Variants in ROBO2 observed in about 807,000 individuals in gnomAD.
ROBO2 encodes the protein roundabout guidance receptor 2, also known as roundabout homolog 2.
ROBO2 carries 53 observed loss-of-function variants against 160.8 expected under a neutral mutation model. The observed-to-expected ratio is 0.33, with a 90% CI of 0.26 to 0.41. The LOEUF (loss-of-function observed/expected upper bound fraction) is 0.41. Among genes scored for constraint, ROBO2 ranks in the 10% least tolerant of loss-of-function variants. ROBO2 has a pLI of 1.00. For synonymous variants in ROBO2, 664 were observed against 611.7 expected, an observed-to-expected ratio of 1.09 and a Z score of -1.26; for missense variants, 1,577 against 1,722.4, an observed-to-expected ratio of 0.92 and a Z score of 1.49.
chr3:77,196,966 C>T (rs1225108762), intron 2 of ROBO2, among the ~76,000 whole-genome samples: 1 of 148,946 alleles, frequency 6.7e-6, no homozygotes, highest in Admixed American at 6.8e-5. Flanking sequence ...AATGAAATTG[C>T]TTTTGATAAA....
intron 2 of ROBO2, among the ~76,000 whole-genome samples, chr3:76,197,808 A>G (rs1399548956): frequency 6.6e-6 from 1 of 152,180 alleles, no homozygotes; most frequent in Admixed American, 6.6e-5. Context: ...TAGAGCCAGG[A>G]TGTTTTGAAA....
intron 2 of ROBO2, among the ~76,000 whole-genome samples, chr3:76,909,003 G>A (rs930580256): frequency 6.6e-6 from 1 of 152,160 alleles, no homozygotes; most frequent in African/African-American, 2.4e-5. Context: ...TGAGCAGGGA[G>A]AATTGCTTAA....
At chr3:76,072,301 A>G (rs1390072121) in intron 2 of ROBO2, among the ~76,000 whole-genome samples, 1 of 151,810 alleles carries the variant, frequency 6.6e-6, no homozygotes, top group Non-Finnish European at 1.5e-5. Context: ...TTCCTTTAGG[A>G]TATAAAGAAA....
intron 2 of ROBO2, among the ~76,000 whole-genome samples, chr3:76,562,544 G>A (rs1024765268): frequency 4.0e-5 from 6 of 151,378 alleles, no homozygotes; most frequent in East Asian, 3.9e-4. Context: ...GCCCTTCTTC[G>A]TTTCCAGCTC....
At chr3:76,731,936 A>T (rs1030834303) in intron 2 of ROBO2, among the ~76,000 whole-genome samples, 3 of 152,190 alleles carry the variant, frequency 2.0e-5, no homozygotes, top group African/African-American at 7.2e-5. Context: ...TTGATTATCT[A>T]CTATGAGCCA....
chr3:75,970,417 T>C (rs1230998517), intron 2 of ROBO2, among the ~76,000 whole-genome samples: 1 of 151,516 alleles, frequency 6.6e-6, no homozygotes. Context: ...ATACCCAGCA[T>C]TTTCATGATG....
intron 2 of ROBO2, among the ~76,000 whole-genome samples, chr3:77,261,227 C>T (rs188887016): frequency 1.3e-5 from 2 of 152,064 alleles, no homozygotes; most frequent in Non-Finnish European, 2.9e-5. Flanking sequence ...CTTATGCATG[C>T]CTGGACCAAA....
At chr3:77,322,844 T>C (rs1161511685) in intron 2 of ROBO2, among the ~76,000 whole-genome samples, 1 of 80,732 alleles carries the variant, frequency 1.2e-5, no homozygotes, top group Admixed American at 1.5e-4. Flanking sequence ...TGTAATATAT[T>C]ATATTATACA....
intron 2 of ROBO2, among the ~76,000 whole-genome samples, chr3:77,404,341 T>A (rs2076085103): frequency 6.6e-6 from 1 of 152,184 alleles, no homozygotes; most frequent in Non-Finnish European, 1.5e-5. Flanking sequence ...ATTACATTTT[T>A]TCTTCTGTGT....
intron 2 of ROBO2, among the ~76,000 whole-genome samples, chr3:76,997,380 G>C (rs1396758392): frequency 6.6e-6 from 1 of 152,058 alleles, no homozygotes; most frequent in Non-Finnish European, 1.5e-5. Flanking sequence ...GAGTGATAGT[G>C]CTTATTGAAC....
chr3:76,825,129 C>G (rs2066451158), intron 2 of ROBO2, among the ~76,000 whole-genome samples: 1 of 152,098 alleles, frequency 6.6e-6, no homozygotes, highest in African/African-American at 2.4e-5. Flanking sequence ...TAAAAGAATA[C>G]CTTCCTCTTA....
At chr3:76,617,655 C>T (rs2088700671) in intron 2 of ROBO2, among the ~76,000 whole-genome samples, 1 of 152,020 alleles carries the variant, frequency 6.6e-6, no homozygotes, top group Admixed American at 6.6e-5. Flanking sequence ...TGTGTTCAGC[C>T]CTTCTTCTAT....
chr3:76,656,216 G>A (rs1426250463), intron 2 of ROBO2, among the ~76,000 whole-genome samples: 1 of 152,102 alleles, frequency 6.6e-6, no homozygotes, highest in Non-Finnish European at 1.5e-5. Context: ...ACTGATGGTA[G>A]CCAAAACTCC....
chr3:77,368,529 T>C (rs1421828843), intron 2 of ROBO2, among the ~76,000 whole-genome samples: 1 of 152,232 alleles, frequency 6.6e-6, no homozygotes, highest in East Asian at 1.9e-4. Flanking sequence ...CATTAGCTGA[T>C]ACTGCTCTAG....
chr3:76,443,459 G>T (rs532226460), intron 2 of ROBO2, among the ~76,000 whole-genome samples: 1 of 152,204 alleles, frequency 6.6e-6, no homozygotes, highest in African/African-American at 2.4e-5. Flanking sequence ...TAGTGCTGCT[G>T]CTACTAGTAA....
intron 2 of ROBO2, among the ~76,000 whole-genome samples, chr3:76,057,013 T>C (rs963747536): frequency 4.6e-5 from 7 of 152,206 alleles, no homozygotes; most frequent in African/African-American, 1.4e-4. Flanking sequence ...GAATATTCTG[T>C]CTACTTAACT....
At chr3:76,345,827 T>C (rs375826416) in intron 2 of ROBO2, among the ~76,000 whole-genome samples, 11 of 152,294 alleles carry the variant, frequency 7.2e-5, no homozygotes, top group African/African-American at 2.6e-4. Flanking sequence ...TTTAATTTTC[T>C]GTAACTCTTT....
chr3:76,729,803 A>G lies in ROBO2; in HGVS notation c.110-368211A>G, dbSNP rs533870827. Among the ~76,000 whole-genome samples the G allele has an allele frequency of 1.2e-3, 179 of 152,098 alleles. 1 individual carries two copies. The highest frequency in any genetic ancestry group is 4.0e-3 in the African/African-American group (164 of 41,504). ...CAGCCACGTGCCACCACGCCTGGCT[A>G]ATTTTTGTTTTTTTAGTAGAGACGA... On this transcript the variant is annotated intron_variant, in intron 2 of 26. Coordinates refer to the ROBO2 transcript ENST00000487694.
chr3:77,493,393 C>T lies in ROBO2; in HGVS notation c.806+11C>T, dbSNP rs1384858949. 2.5e-6 allele frequency: 4 copies of T among 1,613,462 alleles called. No individual in the cohort carries two copies. The highest frequency in any genetic ancestry group is 2.2e-5 in the East Asian group (1 of 44,840). On this transcript the variant is annotated intron_variant, in intron 5 of 25. Transcript: ENST00000461745. ...CTTGCCAAGAGGAAGGTAAGACCAA[C>T]ATATGGATGGAAGATTGTTAGATAA...
Sources: gnomAD v4.1 joint callset for allele counts (sites outside exome capture counted in the v4.1 genomes callset) on GRCh38, gnomAD v4.1.1 for gene constraint, MANE v1.5 for transcripts, NCBI Gene and HGNC (gene_info 2026-07-23, HGNC 2026-07-21) for gene names.